The following MALRD1 variants were observed in gnomAD, a reference collection of about 807,000 sequenced individuals.
The protein encoded by MALRD1 is MAM and LDL receptor class A domain containing 1.
MALRD1 carries 247 observed loss-of-function variants against 242.1 expected under a neutral mutation model. The ratio of observed to expected loss-of-function variants is 1.02; its 90% confidence interval spans 0.92 to 1.13. The LOEUF (loss-of-function observed/expected upper bound fraction) is 1.13. Ranked by LOEUF, MALRD1 falls within the 50% of genes most tolerant of loss-of-function variation. The probability of loss-of-function intolerance (pLI) is 0.00; values close to 1 mark genes in which losing one functional copy is unlikely to be tolerated. For synonymous variants in MALRD1, 995 were observed against 866.6 expected (o/e 1.15, Z -2.60); for missense variants, 2,989 against 2,533.1 (o/e 1.18, Z -3.86).
intron 18 of MALRD1, among the ~76,000 whole-genome samples, chr10:19,236,686 G>C (rs1316035356): frequency 6.6e-6 from 1 of 152,076 alleles, no homozygotes; most frequent in Admixed American, 6.6e-5. Context: ...TTACTGTATA[G>C]AAAATTTGTC....
intron 18 of MALRD1, among the ~76,000 whole-genome samples, chr10:19,245,632 A>G (rs1289978086): frequency 6.6e-6 from 1 of 152,180 alleles, no homozygotes; most frequent in Non-Finnish European, 1.5e-5. Context: ...GTCCTTTTTA[A>G]CACAGAACTT....
chr10:19,329,473 A>G (rs1843271614), intron 23 of MALRD1, among the ~76,000 whole-genome samples: 1 of 151,142 alleles, frequency 6.6e-6, no homozygotes, highest in Non-Finnish European at 1.5e-5. Context: ...GAGCAATTGC[A>G]TATGTAGCAG....
At chr10:19,242,311 A>G (rs922052980) in intron 18 of MALRD1, among the ~76,000 whole-genome samples, 55 of 152,312 alleles carry the variant, frequency 3.6e-4, no homozygotes, top group Middle Eastern at 3.4e-3. Context: ...CCATGATTCA[A>G]TTATCTCCCA....
chr10:19,220,103 T>A (rs1837494431), intron 18 of MALRD1, among the ~76,000 whole-genome samples: 1 of 152,200 alleles, frequency 6.6e-6, no homozygotes, highest in Non-Finnish European at 1.5e-5. Context: ...CTTTATTTTT[T>A]AAAAAGTTGT....
At chr10:19,681,992 C>G (rs960980956) in intron 36 of MALRD1, among the ~76,000 whole-genome samples, 2 of 151,984 alleles carry the variant, frequency 1.3e-5, no homozygotes, top group Admixed American at 6.6e-5. Context: ...CCACCACACC[C>G]AGCTAATTTC....
At chr10:19,077,830 A>T (rs575601698) in intron 2 of MALRD1, among the ~76,000 whole-genome samples, 103 of 151,990 alleles carry the variant, frequency 6.8e-4, no homozygotes, top group African/African-American at 2.4e-3. Flanking sequence ...TTTTTACATT[A>T]GTTAAGTCTT....
At chr10:19,693,478 A>G (rs893310706) in intron 38 of MALRD1, among the ~76,000 whole-genome samples, 14 of 152,074 alleles carry the variant, frequency 9.2e-5, no homozygotes, top group African/African-American at 1.9e-4. Context: ...ATTCACAATT[A>G]CTTCAAAGAG....
At chr10:19,590,692 A>G (rs566082088) in intron 33 of MALRD1, among the ~76,000 whole-genome samples, 2 of 152,240 alleles carry the variant, frequency 1.3e-5, no homozygotes, top group South Asian at 2.1e-4. Context: ...TAATACGTGT[A>G]TATATACATT....
At chr10:19,583,752 G>A (rs2131517351) in intron 33 of MALRD1, among the ~76,000 whole-genome samples, 1 of 151,432 alleles carries the variant, frequency 6.6e-6, no homozygotes, top group South Asian at 2.1e-4. Context: ...ATGAGTTAGG[G>A]AGGATTCCCT....
At chr10:19,080,731 C>T (rs928625648) in intron 2 of MALRD1, among the ~76,000 whole-genome samples, 1 of 151,920 alleles carries the variant, frequency 6.6e-6, no homozygotes, top group African/African-American at 2.4e-5. Context: ...GATGAAAGCA[C>T]TGAAAGCAAT....
intron 30 of MALRD1, among the ~76,000 whole-genome samples, chr10:19,496,675 C>G (rs1324998653): frequency 6.6e-6 from 1 of 152,086 alleles, no homozygotes; most frequent in African/African-American, 2.4e-5. Flanking sequence ...GGTGGGACAT[C>G]TGCATAAAAG....
chr10:19,575,483 T>TCACACACA (rs66882231), intron 33 of MALRD1, among the ~76,000 whole-genome samples: 1,781 of 148,546 alleles, frequency 0.012, 30 homozygotes, highest in African/African-American at 0.042. Context: ...AGGCCATGGT[T>TCACACACA]CACACACACA....
At chr10:19,333,053 C>A (rs1161945360) in intron 24 of MALRD1, among the ~76,000 whole-genome samples, 4 of 151,980 alleles carry the variant, frequency 2.6e-5, no homozygotes, top group Admixed American at 6.6e-5. Flanking sequence ...TGATGTTCCC[C>A]TCCCTTTGTC....
At chr10:19,660,891 A>G (rs907044572) in intron 36 of MALRD1, among the ~76,000 whole-genome samples, 1 of 152,196 alleles carries the variant, frequency 6.6e-6, no homozygotes. Flanking sequence ...GAGGTAGTAG[A>G]TACTTCAGTT....
In MALRD1 at chr10:19,056,629, A is replaced by G. The variant is rs74879805; in HGVS notation, c.199+7492A>G. ...ACATATAAGATTATGTCATCTGCAA[A>G]CAGGTACACTTTTACTTCTTTCTTT... On this transcript the variant is annotated intron_variant, in intron 1 of 39. Coordinates refer to ENST00000454679, the MANE Select transcript of MALRD1 (RefSeq NM_001142308.3). Among the ~76,000 whole-genome samples, 1,824 of 152,138 alleles carry G rather than the reference A, an allele frequency of 0.012. 63 individuals are homozygous for G. The East Asian group carries it at 0.13, about 11-fold the overall frequency.
At chr10:19,214,692 A>G (rs1837229307) in intron 18 of MALRD1, among the ~76,000 whole-genome samples, 1 of 152,174 alleles carries the variant, frequency 6.6e-6, no homozygotes, top group Non-Finnish European at 1.5e-5. Context: ...AACAATGTCA[A>G]TGCAGTCTCT....
intron 39 of MALRD1, among the ~76,000 whole-genome samples, chr10:19,731,858 T>G (rs945817364): frequency 6.6e-6 from 1 of 152,218 alleles, no homozygotes; most frequent in Non-Finnish European, 1.5e-5. Flanking sequence ...TTTATGAAAA[T>G]AGGTCACAGT....
intron 19 of MALRD1, among the ~76,000 whole-genome samples, chr10:19,269,967 T>C (rs1310217140): frequency 1.3e-5 from 2 of 152,222 alleles, no homozygotes; most frequent in African/African-American, 4.8e-5. Context: ...CCATGATTTC[T>C]CTCTAATGAT....
At chr10:19,635,001 T>C (rs1256161582) in intron 36 of MALRD1, among the ~76,000 whole-genome samples, 1 of 152,150 alleles carries the variant, frequency 6.6e-6, no homozygotes, top group Admixed American at 6.5e-5. Context: ...ATCTGTAGCT[T>C]TTCCAGAACT....
Sources: allele counts gnomAD v4.1 joint callset (sites outside exome capture counted in the v4.1 genomes callset), GRCh38; gene constraint gnomAD v4.1.1; transcripts MANE v1.5; gene names NCBI Gene and HGNC (gene_info 2026-07-23, HGNC 2026-07-21).